Variants in LRP1B observed in about 807,000 individuals in gnomAD.
LRP1B encodes the protein low-density lipoprotein receptor-related protein 1B.
Under a neutral mutation model 556.6 loss-of-function variants are expected in LRP1B, and 217 were observed. That is an observed-to-expected ratio of 0.39 (90% CI 0.35 to 0.44). The LOEUF (loss-of-function observed/expected upper bound fraction) is 0.44, where lower values mean the gene tolerates loss of function less well. Ranked by LOEUF, LRP1B falls within the 20% of genes least tolerant of loss-of-function variation. LRP1B has a pLI of 1.00. For missense variants in LRP1B, 5,053 were observed against 5,620.8 expected, an observed-to-expected ratio of 0.90 and a Z score of 3.23; for synonymous variants, 2,047 against 1,865.8, an observed-to-expected ratio of 1.10 and a Z score of -2.50.
At chr2:140,456,896 G>T (rs570566900) in intron 61 of LRP1B, among the ~76,000 whole-genome samples, 12 of 152,082 alleles carry the variant, frequency 7.9e-5, no homozygotes, top group Non-Finnish European at 1.5e-4. Context: ...AAGCATTTTG[G>T]ATGAAGACAA....
chr2:141,409,586 G>C (rs1690773303), intron 3 of LRP1B, among the ~76,000 whole-genome samples: 1 of 152,034 alleles, frequency 6.6e-6, no homozygotes, highest in Admixed American at 6.6e-5. Context: ...TGTCTACTAT[G>C]TGGAAAATAT....
chr2:140,442,769 ACTTTT>A, intron 65 of LRP1B, 146 bp from the exon 66 acceptor site: 1 of 715,910 alleles, frequency 1.4e-6, no homozygotes, highest in South Asian at 2.0e-5. Flanking sequence ...AGGAATTTTA[ACTTTT>A]AATTCCTTTT....
At chr2:140,335,965 G>A in intron 77 of LRP1B, 127 bp from the exon 78 acceptor site, 1 of 645,432 alleles carries the variant, frequency 1.5e-6, no homozygotes, top group Non-Finnish European at 2.8e-6. Context: ...CTATATAGAT[G>A]TCAAAAAGAT....
chr2:141,550,071 T>C (rs1008747871), intron 2 of LRP1B, among the ~76,000 whole-genome samples: 11 of 152,200 alleles, frequency 7.2e-5, no homozygotes, highest in African/African-American at 2.4e-4. Flanking sequence ...CTCATACGTA[T>C]ATTTTGTCAT....
intron 1 of LRP1B, among the ~76,000 whole-genome samples, chr2:142,065,649 G>A (rs1365666749): frequency 6.6e-6 from 1 of 151,322 alleles, no homozygotes. Flanking sequence ...GAATTAGGAT[G>A]TGGAGATCTT....
intron 3 of LRP1B, among the ~76,000 whole-genome samples, chr2:141,433,188 T>A (rs62167992): frequency 0.022 from 3,356 of 152,208 alleles, 75 homozygotes; most frequent in East Asian, 0.092. Context: ...TATATTTGCA[T>A]ATTTTCCAAA....
At chr2:140,535,025 T>C (rs1005872493) in intron 46 of LRP1B, among the ~76,000 whole-genome samples, 7 of 152,206 alleles carry the variant, frequency 4.6e-5, no homozygotes, top group Non-Finnish European at 8.8e-5. Context: ...CTATTGCCCA[T>C]AGGCCAGATC....
At chr2:140,653,469 T>C (rs2105325209) in intron 41 of LRP1B, among the ~76,000 whole-genome samples, 2 of 152,066 alleles carry the variant, frequency 1.3e-5, no homozygotes, top group South Asian at 4.1e-4. Flanking sequence ...ATAGGCATCA[T>C]ATACTAGATG....
chr2:141,960,366 T>C (rs1182379523), intron 1 of LRP1B, among the ~76,000 whole-genome samples: 1 of 151,864 alleles, frequency 6.6e-6, no homozygotes, highest in Non-Finnish European at 1.5e-5. Flanking sequence ...AAGACTCTCA[T>C]TCCATTTTGC....
chr2:140,675,763 C>G (rs995704693), intron 41 of LRP1B, among the ~76,000 whole-genome samples: 1 of 152,060 alleles, frequency 6.6e-6, no homozygotes, highest in African/African-American at 2.4e-5. Flanking sequence ...GGCAACAGAG[C>G]AAGACCCTGT....
At chr2:140,678,260 G>A (rs927770890) in intron 41 of LRP1B, among the ~76,000 whole-genome samples, 4 of 152,132 alleles carry the variant, frequency 2.6e-5, no homozygotes, top group African/African-American at 7.2e-5. Context: ...GATGGTGAAG[G>A]AAATTACGGG....
At chr2:140,760,851 C>G (rs947752269) in intron 35 of LRP1B, among the ~76,000 whole-genome samples, 2 of 151,860 alleles carry the variant, frequency 1.3e-5, no homozygotes, top group South Asian at 4.2e-4. Context: ...ATCACACCAT[C>G]GCATTCCAGC....
At chr2:140,425,626 G>A (rs967674706) in intron 66 of LRP1B, among the ~76,000 whole-genome samples, 1 of 152,120 alleles carries the variant, frequency 6.6e-6, no homozygotes, top group Non-Finnish European at 1.5e-5. Flanking sequence ...GAGCAGGCTG[G>A]TCTTGAACTC....
intron 2 of LRP1B, among the ~76,000 whole-genome samples, chr2:141,513,152 A>C (rs143253217): frequency 1.6e-3 from 242 of 152,282 alleles, no homozygotes; most frequent in African/African-American, 5.5e-3. Context: ...GAATGTTAAT[A>C]TCTCTAGATA....
intron 47 of LRP1B, among the ~76,000 whole-genome samples, chr2:140,530,038 AAC>A (rs1690620693): frequency 6.6e-6 from 1 of 152,114 alleles, no homozygotes; most frequent in African/African-American, 2.4e-5. Context: ...CTACTCTGTA[AAC>A]AGACTCTCTA....
chr2:141,604,759 C>T (rs563315627), intron 2 of LRP1B, among the ~76,000 whole-genome samples: 1 of 152,232 alleles, frequency 6.6e-6, no homozygotes, highest in African/African-American at 2.4e-5. Flanking sequence ...GAGAATCCAC[C>T]TGACTTCAGG....
chr2:141,550,667 C>T (rs879669299), intron 2 of LRP1B, among the ~76,000 whole-genome samples: 5 of 152,128 alleles, frequency 3.3e-5, no homozygotes, highest in South Asian at 2.1e-4. Flanking sequence ...CACCTCTCTC[C>T]TACTTTTTCT....
intron 41 of LRP1B, chr2:140,683,665 A>G (rs1373019408): frequency 1.4e-6 from 1 of 700,580 alleles, no homozygotes; most frequent in Admixed American, 1.9e-5. Context: ...CATTTACAGC[A>G]AATCTTCAGA....
chr2:140,291,726 T>A (rs1683397300), intron 84 of LRP1B, among the ~76,000 whole-genome samples: 1 of 152,122 alleles, frequency 6.6e-6, no homozygotes, highest in Non-Finnish European at 1.5e-5. Context: ...TCATTTGGGT[T>A]GGTTCCAAGT....
Sources: allele counts gnomAD v4.1 joint callset (sites outside exome capture counted in the v4.1 genomes callset), GRCh38; gene constraint gnomAD v4.1.1; transcripts MANE v1.5; gene names NCBI Gene and HGNC (gene_info 2026-07-23, HGNC 2026-07-21).